Variants in DSCAM observed in about 807,000 individuals in gnomAD.
The protein encoded by DSCAM is cell adhesion molecule DSCAM.
A neutral mutation model predicts 217.7 loss-of-function variants in DSCAM; 47 were observed. That is an observed-to-expected ratio of 0.22 (90% confidence interval 0.17 to 0.28). The LOEUF (loss-of-function observed/expected upper bound fraction) is 0.28. DSCAM is among the 10% of genes least tolerant of loss of function. DSCAM has a pLI of 1.00. For missense variants in DSCAM, 2,080 were observed against 2,618.3 expected, an observed-to-expected ratio of 0.79 and a Z score of 4.49; for synonymous variants, 1,056 against 1,015.3, an observed-to-expected ratio of 1.04 and a Z score of -0.76.
At chr21:40,586,856 A>G (rs1197227351) in intron 3 of DSCAM, among the ~76,000 whole-genome samples, 1 of 152,208 alleles carries the variant, frequency 6.6e-6, no homozygotes, top group Admixed American at 6.5e-5. Context: ...TTAATAGCAT[A>G]TAATTAGACA....
Position 40,189,050 on chromosome 21 carries a change from T to A in DSCAM, c.2545A>T (p.Thr849Ser), listed in dbSNP as rs767057153. The A allele has an allele frequency of 1.2e-6, 2 of 1,614,044 alleles. No homozygotes were observed. Among genetic ancestry groups the A allele is most frequent in the South Asian group, 1.1e-5 (1 of 91,076 alleles). Reference protein sequence around the residue: ...TKEVGEEVISTLQILPTVRED... With the variant: ...TKEVGEEVISSLQILPTVRED... ...ATTTGCCATGCTTTTACCTGCAGAG[T>A]AGAAATCACCTCTTCTCCCACCTCC... Residue 849 changes from threonine (T) to serine (S), a missense_variant, in exon 12 of 33, where the codon ACT becomes TCT. This residue lies in a region of DSCAM where 1,144 missense variants were observed against 1,421.1 expected (regional missense o/e 0.81). Coordinates refer to ENST00000400454, the MANE Select transcript of DSCAM (RefSeq NM_001389.5).
chr21:40,827,645 C>A (rs186574730), intron 1 of DSCAM, among the ~76,000 whole-genome samples: 12 of 152,138 alleles, frequency 7.9e-5, no homozygotes, highest in Admixed American at 7.2e-4. Flanking sequence ...GTTGAAACAG[C>A]GCTAATCGAA....
At chr21:40,815,514 CT>C (rs555379508) in intron 1 of DSCAM, among the ~76,000 whole-genome samples, 88 of 152,318 alleles carry the variant, frequency 5.8e-4, no homozygotes, top group African/African-American at 2.1e-3. Context: ...AATCAAATCT[CT>C]TCCATGTAAT....
At chr21:40,465,891 A>T (rs77278617) in intron 3 of DSCAM, among the ~76,000 whole-genome samples, 13,627 of 152,226 alleles carry the variant, frequency 0.09, 780 homozygotes, top group Middle Eastern at 0.17. Flanking sequence ...AAAAAAAAAA[A>T]AAATATTTTC....
chr21:40,197,020 G>A (rs981676451), intron 11 of DSCAM, among the ~76,000 whole-genome samples: 3 of 152,130 alleles, frequency 2.0e-5, no homozygotes, highest in Admixed American at 6.5e-5. Context: ...ACCAAACACC[G>A]CCTTTAAATG....
At chr21:40,682,384 G>A (rs918713253) in intron 3 of DSCAM, among the ~76,000 whole-genome samples, 3 of 151,762 alleles carry the variant, frequency 2.0e-5, no homozygotes, top group Admixed American at 1.3e-4. Context: ...AGATAGCACC[G>A]AAATATTCAG....
chr21:40,157,685 CTTTTCTT>C (rs201705155), intron 16 of DSCAM, among the ~76,000 whole-genome samples: 7,301 of 100,434 alleles, frequency 0.073, 199 homozygotes, highest in East Asian at 0.17. Context: ...TCTCTCTTTC[CTTTTCTT>C]TTTTCTTTTT....
intron 19 of DSCAM, among the ~76,000 whole-genome samples, chr21:40,124,889 C>T (rs2090078126): frequency 6.6e-6 from 1 of 152,154 alleles, no homozygotes; most frequent in African/African-American, 2.4e-5. Flanking sequence ...GTCTTCCCAA[C>T]CCATTTCAGC....
intron 3 of DSCAM, among the ~76,000 whole-genome samples, chr21:40,532,719 G>C (rs1484922665): frequency 6.6e-6 from 1 of 152,156 alleles, no homozygotes; most frequent in African/African-American, 2.4e-5. Flanking sequence ...AGACTCAAAG[G>C]AAAGAGCAAG....
intron 32 of DSCAM, among the ~76,000 whole-genome samples, chr21:40,032,870 G>T (rs144229144): frequency 2.6e-5 from 4 of 152,150 alleles, no homozygotes; most frequent in Non-Finnish European, 4.4e-5. Context: ...TTATGTGTCC[G>T]CAGAGGAGAT....
intron 3 of DSCAM, among the ~76,000 whole-genome samples, chr21:40,406,780 C>G (rs867574414): frequency 2.0e-5 from 3 of 151,962 alleles, no homozygotes; most frequent in Admixed American, 6.6e-5. Context: ...TGTTCTTCTT[C>G]TTGTTGTTGT....
chr21:40,281,745 A>G (rs770452526), intron 10 of DSCAM, among the ~76,000 whole-genome samples: 14 of 152,016 alleles, frequency 9.2e-5, no homozygotes, highest in Non-Finnish European at 1.9e-4. Context: ...GTTTCTGTTT[A>G]TAGATAATTT....
intron 32 of DSCAM, among the ~76,000 whole-genome samples, chr21:40,019,886 C>T (rs1329692629): frequency 6.6e-6 from 1 of 152,212 alleles, no homozygotes; most frequent in Non-Finnish European, 1.5e-5. Flanking sequence ...ACTTCCTCTG[C>T]TTTGCTTCCC....
At chr21:40,746,214 C>A (rs1289446996) in intron 1 of DSCAM, among the ~76,000 whole-genome samples, 1 of 151,540 alleles carries the variant, frequency 6.6e-6, no homozygotes, top group Non-Finnish European at 1.5e-5. Context: ...ACAATAATAA[C>A]CTTAAATGCA....
rs774239812 is a variant in DSCAM, at chr21:40,339,302, G to A, written c.1324C>T (p.Leu442=). The change falls in exon 7 of 33, where the codon CTG becomes TTG. Residue 442 remains leucine, a synonymous_variant. Coordinates refer to ENST00000400454, the MANE Select transcript of DSCAM (RefSeq NM_001389.5). The part of the protein sequence containing the change: ...GTPLPTITWT[L]DDDPILKGGS... ...CCCTTGAGAATCGGGTCATCGTCCA[G>A]GGTCCACGTGATCGTGGGCAAAGGT... 2.2e-4 allele frequency: 352 copies of A among 1,614,170 alleles called. 1 individual carries two copies. The highest frequency in any genetic ancestry group is 3.5e-4 in the Admixed American group (21 of 60,036).
At chr21:40,435,196 C>T (rs1425399797) in intron 3 of DSCAM, among the ~76,000 whole-genome samples, 1 of 152,178 alleles carries the variant, frequency 6.6e-6, no homozygotes, top group Non-Finnish European at 1.5e-5. Context: ...GGCCTTGCCC[C>T]GCAGCTGCCA....
intron 1 of DSCAM, among the ~76,000 whole-genome samples, chr21:40,795,437 C>A (rs181790774): frequency 1.3e-5 from 2 of 152,086 alleles, no homozygotes; most frequent in African/African-American, 2.4e-5. Context: ...TAAATATGCT[C>A]AAGCTCCCCA....
chr21:40,041,811 T>C (rs2088755894), intron 32 of DSCAM, among the ~76,000 whole-genome samples: 1 of 152,104 alleles, frequency 6.6e-6, no homozygotes, highest in African/African-American at 2.4e-5. Context: ...TCAGAAGCCC[T>C]CAGTGTGGCA....
At chr21:40,132,482 A>G (rs1306646606) in intron 19 of DSCAM, among the ~76,000 whole-genome samples, 1 of 152,228 alleles carries the variant, frequency 6.6e-6, no homozygotes, top group Non-Finnish European at 1.5e-5. Context: ...TGAACCTTAG[A>G]TTCCCTAAAT....
Sources: gnomAD v4.1 joint callset for allele counts (sites outside exome capture counted in the v4.1 genomes callset) on GRCh38, gnomAD v4.1.1 for gene constraint, gnomAD v4.1.1 regional missense constraint, MANE v1.5 for transcripts, NCBI Gene and HGNC (gene_info 2026-07-23, HGNC 2026-07-21) for gene names.